WWC1: variants seen among roughly 807,000 people sequenced by gnomAD.
The protein encoded by WWC1 is WW and C2 domain containing 1, also known as protein KIBRA.
WWC1 carries 55 observed loss-of-function variants against 138.4 expected under a neutral mutation model. The observed-to-expected ratio is 0.40, with a 90% CI of 0.32 to 0.50. WWC1 has a LOEUF of 0.50. WWC1 is among the 20% of genes least tolerant of loss of function. The pLI is 0.72. For synonymous variants in WWC1, 524 were observed against 564.9 expected (o/e 0.93, Z 1.03); for missense variants, 1,226 against 1,420.4 (o/e 0.86, Z 2.20).
At chr5:168,456,057 C>T (rs112055948) in intron 19 of WWC1, among the ~76,000 whole-genome samples, 1,593 of 152,086 alleles carry the variant, frequency 0.01, 20 homozygotes, top group African/African-American at 0.037. Flanking sequence ...CCCAACACTT[C>T]GGGAGGCTGA....
At chr5:168,428,677 C>G in intron 12 of WWC1, 30 bp from the exon 13 acceptor site, 1 of 1,608,204 alleles carries the variant, frequency 6.2e-7, no homozygotes, top group Non-Finnish European at 8.5e-7. Context: ...TGTAGGGAAG[C>G]CTAACTCCTC....
At chr5:168,380,316 C>G (rs1216601573) in intron 2 of WWC1, among the ~76,000 whole-genome samples, 2 of 151,958 alleles carry the variant, frequency 1.3e-5, no homozygotes, top group Non-Finnish European at 2.9e-5. Context: ...AATAAAAATA[C>G]AGAATCAGCT....
intron 2 of WWC1, among the ~76,000 whole-genome samples, chr5:168,377,887 C>CAAAGGTAGT (rs1777338962): frequency 6.6e-6 from 1 of 152,172 alleles, no homozygotes; most frequent in Non-Finnish European, 1.5e-5. Flanking sequence ...TTTCAAAGAA[C>CAAAGGTAGT]TTAGAACTAC....
At chr5:168,343,127 C>T (rs750494232) in intron 1 of WWC1, among the ~76,000 whole-genome samples, 3 of 149,230 alleles carry the variant, frequency 2.0e-5, no homozygotes, top group Non-Finnish European at 3.0e-5. Flanking sequence ...AACTTTACTT[C>T]CCTTTCACAT....
intron 1 of WWC1, among the ~76,000 whole-genome samples, chr5:168,367,317 T>A (rs367650070): frequency 1.3e-5 from 2 of 152,198 alleles, no homozygotes; most frequent in South Asian, 2.1e-4. Flanking sequence ...ACCCTTCGTC[T>A]TGTTATTTTT....
intron 1 of WWC1, among the ~76,000 whole-genome samples, chr5:168,359,300 C>T (rs1267680476): frequency 6.6e-6 from 1 of 152,178 alleles, no homozygotes; most frequent in Admixed American, 6.5e-5. Context: ...GTGATCCACC[C>T]ACCTCAACGT....
intron 17 of WWC1, among the ~76,000 whole-genome samples, chr5:168,452,197 C>T (rs6870734): frequency 0.32 from 48,432 of 152,050 alleles, 9,346 homozygotes; most frequent in African/African-American, 0.52. Flanking sequence ...TGAGCTACCA[C>T]GCCTGGCCTG....
intron 1 of WWC1, among the ~76,000 whole-genome samples, chr5:168,312,768 G>T (rs931012513): frequency 4.0e-5 from 6 of 151,440 alleles, no homozygotes; most frequent in Non-Finnish European, 7.4e-5. Context: ...GCCAACCGCA[G>T]CAGCTGCCCA....
intron 5 of WWC1, among the ~76,000 whole-genome samples, chr5:168,404,227 A>G (rs1167353128): frequency 6.6e-6 from 1 of 152,206 alleles, no homozygotes; most frequent in African/African-American, 2.4e-5. Flanking sequence ...GCTCCAACAA[A>G]CAACAACTCC....
chr5:168,358,353 A>C (rs1384223599), intron 1 of WWC1, among the ~76,000 whole-genome samples: 1 of 152,152 alleles, frequency 6.6e-6, no homozygotes, highest in Non-Finnish European at 1.5e-5. Context: ...GTGTCAGGGA[A>C]CCTGAGTGTC....
chr5:168,398,287 T>C (rs2152830448), intron 4 of WWC1, among the ~76,000 whole-genome samples: 1 of 148,752 alleles, frequency 6.7e-6, no homozygotes, highest in South Asian at 2.4e-4. Flanking sequence ...GTATTTTTAG[T>C]AGAGACGGGG....
intron 11 of WWC1, among the ~76,000 whole-genome samples, chr5:168,427,548 A>ATTTTT (rs34177139): frequency 6.5e-4 from 66 of 101,108 alleles, no homozygotes; most frequent in Middle Eastern, 7.8e-3. Context: ...CTTTTTTTTA[A>ATTTTT]TTTTTTTTTT....
At chr5:168,363,746 G>A (rs17551259) in intron 1 of WWC1, among the ~76,000 whole-genome samples, 3,595 of 152,094 alleles carry the variant, frequency 0.024, 76 homozygotes, top group Non-Finnish European at 0.032. Context: ...CCATTTTAAC[G>A]CAGCGGTGAC....
intron 1 of WWC1, among the ~76,000 whole-genome samples, chr5:168,338,592 A>G (rs1359366545): frequency 6.6e-6 from 1 of 151,816 alleles, no homozygotes; most frequent in Non-Finnish European, 1.5e-5. Flanking sequence ...TGTATTTTTT[A>G]GTAGAGACGG....
intron 15 of WWC1, among the ~76,000 whole-genome samples, chr5:168,436,552 C>T (rs75209432): frequency 0.011 from 1,654 of 152,274 alleles, 27 homozygotes; most frequent in East Asian, 0.043. Flanking sequence ...ACTGCCTGTT[C>T]TGCATCTTCA....
chr5:168,424,248 G>C lies in WWC1; in HGVS notation c.1810+180G>C, dbSNP rs1027009156. 3.3e-5 allele frequency among the ~76,000 whole-genome samples: 5 copies of C among 152,208 alleles called. No individual in the cohort carries two copies. The East Asian group carries it at 9.6e-4, about 29-fold the overall frequency. ...ATTAACTCAGTATTTTTGAGGTCCT[G>C]TGTGAAGGGTTTTCAGTAGTAGATT... is the stretch of plus-strand genomic sequence containing the variant. On this transcript the variant is annotated intron_variant, in intron 11 of 22. Transcript: ENST00000265293.
chr5:168,454,135 G>T, intron 18 of WWC1, 35 bp downstream of exon 18: 1 of 1,601,816 alleles, frequency 6.2e-7, no homozygotes, highest in South Asian at 1.1e-5. Context: ...GGGCTGTCGT[G>T]GGGAAGGAAC....
chr5:168,353,703 C>T (rs1321918498), intron 1 of WWC1, among the ~76,000 whole-genome samples: 1 of 152,252 alleles, frequency 6.6e-6, no homozygotes, highest in East Asian at 1.9e-4. Context: ...GTGTCCTCCA[C>T]TGTGTAGTGT....
intron 9 of WWC1, chr5:168,416,512 C>G (rs1780670267): frequency 6.6e-6 from 1 of 152,136 alleles, no homozygotes; most frequent in Non-Finnish European, 1.5e-5. Context: ...CTAGGTAGAC[C>G]CTTACTGGGC....
Sources: allele counts gnomAD v4.1 joint callset (sites outside exome capture counted in the v4.1 genomes callset), GRCh38; gene constraint gnomAD v4.1.1; transcripts MANE v1.5; gene names NCBI Gene and HGNC (gene_info 2026-07-23, HGNC 2026-07-21).